Variants in KIAA0319L observed in about 807,000 individuals in gnomAD.
KIAA0319L encodes KIAA0319 like, also known as dyslexia-associated protein KIAA0319-like protein.
KIAA0319L carries 55 observed loss-of-function variants against 120.1 expected under a neutral mutation model. The observed-to-expected ratio is 0.46, with a 90% CI of 0.37 to 0.57. KIAA0319L has a LOEUF of 0.57. Ranked by LOEUF, KIAA0319L falls within the 20% of genes least tolerant of loss-of-function variation. KIAA0319L has a pLI of 0.00. For synonymous variants in KIAA0319L, 398 were observed against 471.9 expected, an observed-to-expected ratio of 0.84 and a Z score of 2.03; for missense variants, 1,049 against 1,255.3, an observed-to-expected ratio of 0.84 and a Z score of 2.48.
At position 35,513,288 on chromosome 1, in the gene KIAA0319L, A is replaced by ATATATATATATTT. The variant is rs1414704674; in HGVS notation, c.143-6154_143-6153insAAATATATATATA. 4.7e-5 allele frequency among the ~76,000 whole-genome samples: 4 copies of ATATATATATATTT among 85,300 alleles called. No individual in the cohort carries two copies. In the East Asian group the frequency reaches 8.8e-4, roughly 19 times the overall value. The allele number at this position is 85,300 out of a possible 152,430, so 56.0% of individuals were successfully genotyped here. ...ATAACATATATATATATATATATATATTTTTTTTTTTTTTTTTTTCTGTCC... is the reference window on the plus strand; with the variant it reads ...ATAACATATATATATATATATATATATATATATATATTTTTTTTTTTTTTTTTTTTTTCTGTCC... On this transcript the variant is annotated intron_variant, in intron 2 of 20. Transcript: ENST00000325722.
At chr1:35,463,371 C>G (rs1643034981) in intron 7 of KIAA0319L, among the ~76,000 whole-genome samples, 1 of 152,162 alleles carries the variant, frequency 6.6e-6, no homozygotes, top group Non-Finnish European at 1.5e-5. Context: ...TTCAGCCAAG[C>G]CTGACTAGAA....
At chr1:35,526,422 T>C (rs1405601430) in intron 2 of KIAA0319L, among the ~76,000 whole-genome samples, 1 of 140,324 alleles carries the variant, frequency 7.1e-6, no homozygotes, top group Non-Finnish European at 1.5e-5. Flanking sequence ...CACACATACA[T>C]ATATATATGT....
intron 2 of KIAA0319L, among the ~76,000 whole-genome samples, chr1:35,528,088 A>T (rs1350971166): frequency 1.3e-5 from 2 of 151,670 alleles, no homozygotes; most frequent in African/African-American, 2.4e-5. Flanking sequence ...AATTTAAGAA[A>T]TTTTTTTTCT....
chr1:35,513,582 A>G (rs993066235), intron 2 of KIAA0319L, among the ~76,000 whole-genome samples: 1 of 152,126 alleles, frequency 6.6e-6, no homozygotes, highest in South Asian at 2.1e-4. Context: ...ATGCCATCAC[A>G]CTCCAGCCTG....
intron 7 of KIAA0319L, 54 bp from the exon 8 acceptor site, chr1:35,462,767 A>G (rs2149109563): frequency 7.5e-7 from 1 of 1,331,322 alleles, no homozygotes; most frequent in African/African-American, 1.4e-5. Flanking sequence ...AAATTACAGG[A>G]GCAGGCTGTA....
rs1198710657 is a variant in KIAA0319L at position 35,484,806 on chromosome 1, A to AT, written c.667-5595dup. Among the ~76,000 whole-genome samples the AT allele has an allele frequency of 3.5e-3, 302 of 86,204 alleles. 6 individuals carry two copies. The highest frequency in any genetic ancestry group is 5.5e-3 in the Middle Eastern group (1 of 182). 56.6% of individuals were successfully genotyped at this position (86,204 alleles called of 152,430 possible). A position where few individuals can be genotyped will look rare whatever the true frequency, so the allele number is the denominator to read the frequency against. Reference sequence around the variant, plus strand: ...TATATATATATATATATATATATATATTTTTTTTTTTATTATACTCTAAGT... The same window carrying AT: ...TATATATATATATATATATATATATATTTTTTTTTTTTATTATACTCTAAGT... On this transcript the variant is annotated intron_variant, in intron 3 of 20. Transcript: ENST00000325722.
intron 12 of KIAA0319L, among the ~76,000 whole-genome samples, chr1:35,452,707 A>G (rs937298909): frequency 1.3e-5 from 2 of 152,262 alleles, no homozygotes; most frequent in Non-Finnish European, 2.9e-5. Flanking sequence ...TATGTTCTAC[A>G]AAAGATAAAA....
chr1:35,507,787 C>A (rs1301180384), intron 2 of KIAA0319L, among the ~76,000 whole-genome samples: 2 of 152,154 alleles, frequency 1.3e-5, no homozygotes, highest in African/African-American at 4.8e-5. Context: ...ACCACGAGAG[C>A]AATTCTGCTA....
rs1331755186 is a variant in KIAA0319L at position 35,484,793 on chromosome 1, TATATATATA to T, written c.667-5590_667-5582del. ...ATATATATATATATATATATATATA[TATATATATA>T]TATATTTTTTTTTTTATTATACTCT... On this transcript the variant is annotated intron_variant, in intron 3 of 20. Coordinates refer to ENST00000325722, the MANE Select transcript of KIAA0319L (RefSeq NM_024874.5). Among the ~76,000 whole-genome samples, 272 of 61,132 alleles carry T rather than the reference TATATATATA, an allele frequency of 4.4e-3. 13 individuals carry two copies. Among genetic ancestry groups the T allele is most frequent in the African/African-American group, 0.013 (215 of 16,062 alleles). 40.1% of individuals were successfully genotyped at this position (61,132 alleles called of 152,430 possible). A position where few individuals can be genotyped will look rare whatever the true frequency, so the allele number is the denominator to read the frequency against.
intron 3 of KIAA0319L, among the ~76,000 whole-genome samples, chr1:35,484,011 A>G (rs1461127414): frequency 6.6e-6 from 1 of 152,126 alleles, no homozygotes; most frequent in Non-Finnish European, 1.5e-5. Context: ...TCTCTCGTAT[A>G]AAGACACCAG....
chr1:35,507,602 T>C (rs533655497), intron 2 of KIAA0319L, among the ~76,000 whole-genome samples: 1 of 152,228 alleles, frequency 6.6e-6, no homozygotes, highest in South Asian at 2.1e-4. Context: ...ATGTGAGAAC[T>C]GTGGGACCAG....
At chr1:35,495,604 T>C (rs923138956) in intron 3 of KIAA0319L, among the ~76,000 whole-genome samples, 117 of 152,176 alleles carry the variant, frequency 7.7e-4, no homozygotes, top group South Asian at 1.7e-3. Context: ...AGAAAATATA[T>C]ATGTAAGAAA....
At chr1:35,554,123 G>A (rs1558690940) in intron 2 of KIAA0319L, among the ~76,000 whole-genome samples, 1 of 152,110 alleles carries the variant, frequency 6.6e-6, no homozygotes, top group Admixed American at 6.5e-5. Flanking sequence ...GTCTTAAAAC[G>A]GTTGTGCCAA....
intron 3 of KIAA0319L, among the ~76,000 whole-genome samples, chr1:35,484,767 CAT>C (rs56318513): frequency 0.033 from 1,699 of 51,350 alleles, 21 homozygotes; most frequent in Non-Finnish European, 0.046. Context: ...AGTTTTTAAT[CAT>C]ATATATATAT....
intron 2 of KIAA0319L, among the ~76,000 whole-genome samples, chr1:35,534,858 CAAAAAAAAAAAAAA>C (rs779838672): frequency 4.7e-5 from 2 of 42,636 alleles, no homozygotes; most frequent in African/African-American, 6.8e-5. Context: ...GACTCCGTCT[CAAAAAAAAAAAAAA>C]AAAAAAAAAA....
At chr1:35,515,258 G>A (rs1645631984) in intron 2 of KIAA0319L, among the ~76,000 whole-genome samples, 1 of 150,968 alleles carries the variant, frequency 6.6e-6, no homozygotes, top group Admixed American at 6.6e-5. Context: ...GCTGTAGTGA[G>A]CTGAGATCGT....
rs778877216 is a variant in KIAA0319L, at chr1:35,443,006, G to C, written c.2679C>G (p.Asp893Glu). Residue 893 changes from aspartate to glutamate, a missense_variant, in exon 18 of 21, where the codon GAC becomes GAG. Transcript: ENST00000325722. The stretch of plus-strand genomic sequence containing the variant: ...TGGTGAACGAGTCACAGTGGCCATG[G>C]TCGGAACAGTTCAGCTGACATGCTG... ...NTVTCQLNCS[D>E]HGHCDSFTKR... 5.6e-6 allele frequency: 9 copies of C among 1,614,060 alleles called. No homozygotes were observed. The highest frequency in any genetic ancestry group is 1.6e-4 in the Middle Eastern group (1 of 6,084).
chr1:35,521,719 T>C (rs1323493585), intron 2 of KIAA0319L, among the ~76,000 whole-genome samples: 1 of 151,722 alleles, frequency 6.6e-6, no homozygotes, highest in Admixed American at 6.6e-5. Context: ...ACGCCTGTAA[T>C]CCCAGCACTT....
chr1:35,464,532 C>T (rs1240006387), intron 7 of KIAA0319L, among the ~76,000 whole-genome samples: 2 of 152,094 alleles, frequency 1.3e-5, no homozygotes, highest in Non-Finnish European at 2.9e-5. Flanking sequence ...CAGTTTTATA[C>T]GGGAAGTAGA....
Sources: gnomAD v4.1 joint callset for allele counts (sites outside exome capture counted in the v4.1 genomes callset) on GRCh38, gnomAD v4.1.1 for gene constraint, MANE v1.5 for transcripts, NCBI Gene and HGNC (gene_info 2026-07-23, HGNC 2026-07-21) for gene names.